Variants in GPT2 observed in about 807,000 individuals in gnomAD.
GPT2 encodes glutamic--pyruvic transaminase 2.
GPT2 carries 30 observed loss-of-function variants against 56.9 expected under a neutral mutation model. The ratio of observed to expected loss-of-function variants is 0.53; its 90% CI spans 0.39 to 0.72. The LOEUF is 0.72. Among genes scored for constraint, GPT2 ranks in the 30% least tolerant of loss-of-function variants. The pLI is 0.00. For synonymous variants in GPT2, 271 were observed against 283.1 expected (o/e 0.96, Z 0.43); for missense variants, 542 against 703.4 (o/e 0.77, Z 2.60).
intron 10 of GPT2, among the ~76,000 whole-genome samples, chr16:46,926,485 G>A (rs2143573796): frequency 6.6e-6 from 1 of 152,250 alleles, no homozygotes; most frequent in African/African-American, 2.4e-5. Context: ...TAGAACCTGA[G>A]AATCTGTAGT....
intron 4 of GPT2, among the ~76,000 whole-genome samples, chr16:46,904,716 TGAG>T (rs1300598919): frequency 6.6e-6 from 1 of 152,000 alleles, no homozygotes; most frequent in Non-Finnish European, 1.5e-5. Flanking sequence ...TGGGAGGCCT[TGAG>T]GAGGAGAAGG....
At chr16:46,892,097 G>T (rs1596860747) in intron 2 of GPT2, among the ~76,000 whole-genome samples, 4 of 152,100 alleles carry the variant, frequency 2.6e-5, no homozygotes, top group Admixed American at 2.6e-4. Context: ...CCCACTGCTG[G>T]CAGCTATCAC....
chr16:46,926,557 A>G (rs991307609), intron 10 of GPT2, among the ~76,000 whole-genome samples: 1 of 152,200 alleles, frequency 6.6e-6, no homozygotes, highest in African/African-American at 2.4e-5. Flanking sequence ...AGAGTGCCTC[A>G]GAGAAGCTCG....
At chr16:46,907,094 C>G in intron 5 of GPT2, 119 bp downstream of exon 5, 1 of 1,325,368 alleles carries the variant, frequency 7.5e-7, no homozygotes, top group South Asian at 1.3e-5. Context: ...GGTGGCCACC[C>G]TCTGGTCCCC....
At chr16:46,890,635 CAAAT>C (rs907907100) in intron 2 of GPT2, among the ~76,000 whole-genome samples, 3 of 152,102 alleles carry the variant, frequency 2.0e-5, no homozygotes, top group African/African-American at 7.2e-5. Context: ...GAGGGGGAGA[CAAAT>C]ATAATTGACA....
chr16:46,914,164 C>T (rs145164944), intron 6 of GPT2, among the ~76,000 whole-genome samples: 6 of 152,272 alleles, frequency 3.9e-5, no homozygotes, highest in East Asian at 1.9e-4. Context: ...TACCTCGTTG[C>T]GTTTACTCCT....
At chr16:46,917,074 G>C (rs1961183886) in intron 7 of GPT2, among the ~76,000 whole-genome samples, 1 of 152,120 alleles carries the variant, frequency 6.6e-6, no homozygotes, top group African/African-American at 2.4e-5. Context: ...ACACAGGCCT[G>C]TTATCTTTTC....
At chr16:46,908,811 A>G (rs1048048542) in intron 5 of GPT2, among the ~76,000 whole-genome samples, 7 of 152,206 alleles carry the variant, frequency 4.6e-5, no homozygotes, top group African/African-American at 1.7e-4. Context: ...CACAAGATTC[A>G]GTGGAAAGAA....
At position 46,930,582 on chromosome 16, in the gene GPT2, T is replaced by TA. The variant is rs569198901; in HGVS notation, c.*1591dup. ...GAATGTTCTAAAACTTTTTCTTCCT[T>TA]AAAAAATGGAGAAAATTGCACTTGT... is the stretch of plus-strand genomic sequence containing the variant. On this transcript the variant is annotated 3_prime_UTR_variant, in exon 12 of 12. Transcript: ENST00000340124. 2.0e-5 allele frequency: 3 copies of TA among 152,380 alleles called. No homozygotes were observed. The South Asian group carries it at 6.2e-4, about 32-fold the overall frequency. The allele number at this position is 152,380 out of a possible 1,614,324, so 9.4% of individuals were successfully genotyped here.
intron 3 of GPT2, among the ~76,000 whole-genome samples, chr16:46,898,948 A>ATG (rs386384632): frequency 6.5e-3 from 1 of 154 alleles, no homozygotes; most frequent in East Asian, 0.17. Context: ...ATACACACAC[A>ATG]TATATGTGTA....
In GPT2 at chr16:46,884,807, C is replaced by T; in HGVS notation, c.92C>T (p.Ala31Val). The T allele has an allele frequency of 1.3e-6, 2 of 1,528,090 alleles. No homozygotes were observed. The highest frequency in any genetic ancestry group is 5.2e-5 in the East Asian group (2 of 38,252). The allele number at this position is 1,528,090 out of a possible 1,614,324, so 94.7% of individuals were successfully genotyped here. A position where few individuals can be genotyped will look rare whatever the true frequency, so the allele number is the denominator to read the frequency against. The change falls in exon 2 of 12, where the codon GCC becomes GTC. Residue 31 changes from alanine to valine, a missense_variant. Ala to Val is a moderately conservative substitution (Grantham distance 64). Transcript: ENST00000340124. Reference sequence around the variant, plus strand: ...AGCCAGAGCAGCGCGGCCGCCGAGGCCTCGGCGGTGCTCAAGGTGCGGCCC... The same window carrying T: ...AGCCAGAGCAGCGCGGCCGCCGAGGTCTCGGCGGTGCTCAAGGTGCGGCCC... ...GRSQSSAAAE[A>V]SAVLKVRPER...
intron 5 of GPT2, among the ~76,000 whole-genome samples, chr16:46,909,213 A>G (rs1290738162): frequency 6.6e-6 from 1 of 152,230 alleles, no homozygotes; most frequent in African/African-American, 2.4e-5. Context: ...CAGGGTCAGA[A>G]TAATTCTGAG....
chr16:46,895,543 A>C (rs1282720349), intron 2 of GPT2, among the ~76,000 whole-genome samples: 1 of 152,026 alleles, frequency 6.6e-6, no homozygotes, highest in Non-Finnish European at 1.5e-5. Flanking sequence ...AACAACAAAA[A>C]AAAGGGTCTC....
At chr16:46,913,688 C>T (rs1961087401) in intron 6 of GPT2, among the ~76,000 whole-genome samples, 1 of 151,952 alleles carries the variant, frequency 6.6e-6, no homozygotes, top group Non-Finnish European at 1.5e-5. Flanking sequence ...TTTCCATAGA[C>T]CAGAATATAG....
rs57655706 is a variant in GPT2, at chr16:46,917,685, G to GAC, written c.901-925_901-924dup. The stretch of plus-strand genomic sequence containing the variant: ...CACACATGCCACACACATAAATGCA[G>GAC]ACACACACACACGCATACACACACA... On this transcript the variant is annotated intron_variant, in intron 7 of 11. Transcript: ENST00000340124. Among the ~76,000 whole-genome samples, 66 of 151,810 alleles carry GAC rather than the reference G, an allele frequency of 4.3e-4. No homozygotes were observed. In the East Asian group the frequency reaches 0.012, roughly 28 times the overall value.
chr16:46,910,273 C>T (rs1961021443), intron 6 of GPT2, among the ~76,000 whole-genome samples: 1 of 147,164 alleles, frequency 6.8e-6, no homozygotes, highest in South Asian at 2.1e-4. Flanking sequence ...CCCAGCTGCT[C>T]AGGAGGCTGA....
chr16:46,884,851 C>T lies in GPT2; in HGVS notation c.136C>T (p.Arg46Cys). 6.5e-7 allele frequency: 1 copy of T among 1,542,950 alleles called. No individual in the cohort carries two copies. Among genetic ancestry groups the T allele is most frequent in the Non-Finnish European group, 8.7e-7 (1 of 1,144,556 alleles). The change falls in exon 2 of 12, where the codon CGC becomes TGC. Residue 46 changes from arginine (R) to cysteine (C), a missense_variant. Physicochemically the swap from Arg to Cys is radical, Grantham distance 180 (BLOSUM62 -3). Transcript: ENST00000340124. ...KVRPERSRRERILTLESMNPQ... is the reference protein window; with the variant it reads ...KVRPERSRRECILTLESMNPQ... Reference sequence around the variant, plus strand: ...GCGGCCCGAGCGCAGCCGGCGCGAGCGCATCCTCACGCTGGAGTCCATGAA... The same window carrying T: ...GCGGCCCGAGCGCAGCCGGCGCGAGTGCATCCTCACGCTGGAGTCCATGAA...
intron 4 of GPT2, 145 bp downstream of exon 4, chr16:46,900,935 G>A: frequency 1.6e-6 from 1 of 625,926 alleles, no homozygotes; most frequent in Non-Finnish European, 2.8e-6. Flanking sequence ...ACAAAAAATA[G>A]CGTCCTCTTC....
At chr16:46,916,463 T>A in intron 6 of GPT2, 165 bp from the exon 7 acceptor site, 3 of 652,044 alleles carry the variant, frequency 4.6e-6, no homozygotes, top group Non-Finnish European at 8.6e-6. Context: ...GGAGGCCGAC[T>A]ACACCATCAT....
Sources: gnomAD v4.1 joint callset for allele counts (sites outside exome capture counted in the v4.1 genomes callset) on GRCh38, gnomAD v4.1.1 for gene constraint, MANE v1.5 for transcripts, NCBI Gene and HGNC (gene_info 2026-07-23, HGNC 2026-07-21) for gene names.